The following COG5 variants were observed in gnomAD, a reference collection of about 807,000 sequenced individuals.
The protein encoded by COG5 is component of oligomeric golgi complex 5.
A neutral mutation model predicts 110.4 loss-of-function variants in COG5; 86 were observed. The observed-to-expected ratio is 0.78, with a 90% confidence interval of 0.65 to 0.93. The LOEUF is 0.93. Ranked by LOEUF, COG5 falls within the 40% of genes least tolerant of loss-of-function variation. COG5 has a pLI of 0.00. For missense variants in COG5, 1,077 were observed against 987.0 expected (o/e 1.09, Z -1.22); for synonymous variants, 360 against 334.6 (o/e 1.08, Z -0.83).
intron 6 of COG5, among the ~76,000 whole-genome samples, chr7:107,438,256 T>C (rs980355752): frequency 2.6e-4 from 40 of 152,186 alleles, no homozygotes; most frequent in African/African-American, 7.2e-4. Context: ...AGACAGGATA[T>C]AAATTCTCCT....
chr7:107,403,409 T>C (rs1006837775), intron 7 of COG5, among the ~76,000 whole-genome samples: 1 of 151,926 alleles, frequency 6.6e-6, no homozygotes, highest in African/African-American at 2.4e-5. Flanking sequence ...TAAATTATAC[T>C]TTAAGTTCTG....
At chr7:107,208,149 G>A (rs1798907998) in intron 21 of COG5, 20 of 985,312 alleles carry the variant, frequency 2.0e-5, no homozygotes, top group South Asian at 4.7e-5. Context: ...AGCCTGGGGT[G>A]CAGCAGGAGT....
chr7:107,326,359 A>G (rs557106319), intron 10 of COG5, among the ~76,000 whole-genome samples: 9 of 152,326 alleles, frequency 5.9e-5, no homozygotes, highest in African/African-American at 2.2e-4. Flanking sequence ...TGGAAGAAGT[A>G]AAATTATATC....
At position 107,474,197 on chromosome 7, in the gene COG5, G is replaced by T. The variant is rs1419439157; in HGVS notation, c.538+53040C>A. 1 of 1,612,904 alleles carries T rather than the reference G, an allele frequency of 6.2e-7. No homozygotes were observed. Among genetic ancestry groups the T allele is most frequent in the Non-Finnish European group, 8.5e-7 (1 of 1,179,138 alleles). On this transcript the variant is annotated intron_variant, in intron 6 of 21. Transcript: ENST00000297135. The surrounding 1 kb of genome is among the most constrained non-coding windows in gnomAD (Gnocchi z 5.7). ...TTAAGCTTTCAAGTGTCTCTCACCG[G>T]ATTTCTTATGTTAGAAATTGTGTTG...
At chr7:107,519,241 C>T (rs1800156143) in intron 6 of COG5, among the ~76,000 whole-genome samples, 1 of 151,928 alleles carries the variant, frequency 6.6e-6, no homozygotes, top group African/African-American at 2.4e-5. Context: ...ATTAAAAGAA[C>T]TAGAGAAGCA....
At chr7:107,509,311 A>C (rs1799301955) in intron 6 of COG5, among the ~76,000 whole-genome samples, 1 of 152,210 alleles carries the variant, frequency 6.6e-6, no homozygotes, top group Non-Finnish European at 1.5e-5. Flanking sequence ...TGGAAGACGA[A>C]ATGAATGAAC....
chr7:107,311,504 C>T (rs1209548197), intron 11 of COG5, among the ~76,000 whole-genome samples: 1 of 147,164 alleles, frequency 6.8e-6, no homozygotes, highest in Non-Finnish European at 1.5e-5. Flanking sequence ...CGCCATTCTC[C>T]TGCCTCAGCC....
intron 6 of COG5, among the ~76,000 whole-genome samples, chr7:107,440,993 C>T (rs2395882): frequency 1.3e-5 from 2 of 151,914 alleles, no homozygotes; most frequent in African/African-American, 4.8e-5. Flanking sequence ...GTGGCTCATG[C>T]CTGTAATCCC....
chr7:107,533,050 C>T (rs370279918), intron 5 of COG5, among the ~76,000 whole-genome samples: 5 of 151,712 alleles, frequency 3.3e-5, no homozygotes, highest in East Asian at 1.9e-4. Flanking sequence ...GGAGTGGACC[C>T]GCAGCAAACT....
intron 19 of COG5, among the ~76,000 whole-genome samples, chr7:107,224,921 T>C (rs1363975764): frequency 6.6e-6 from 1 of 152,228 alleles, no homozygotes; most frequent in African/African-American, 2.4e-5. Flanking sequence ...AATGTAAATA[T>C]ATGCAAGAAG....
chr7:107,240,766 C>T (rs562896325), intron 17 of COG5, among the ~76,000 whole-genome samples: 5 of 152,332 alleles, frequency 3.3e-5, no homozygotes, highest in Admixed American at 1.3e-4. Flanking sequence ...CATGCCATTA[C>T]AGAATTACTA....
chr7:107,404,346 T>C (rs1791655660), intron 7 of COG5, among the ~76,000 whole-genome samples: 1 of 152,198 alleles, frequency 6.6e-6, no homozygotes, highest in South Asian at 2.1e-4. Context: ...TAAGAGCCTA[T>C]AAACTAAGTG....
chr7:107,281,207 TAGTC>T, intron 14 of COG5, 89 bp downstream of exon 14: 1 of 843,674 alleles, frequency 1.2e-6, no homozygotes, highest in Non-Finnish European at 1.9e-6. Flanking sequence ...AGTAAGTAAA[TAGTC>T]AATTCAATAT....
At chr7:107,325,103 A>G (rs1467739443) in intron 10 of COG5, among the ~76,000 whole-genome samples, 1 of 152,160 alleles carries the variant, frequency 6.6e-6, no homozygotes, top group Admixed American at 6.5e-5. Context: ...AATTGCTACT[A>G]CTCAGTTTAG....
intron 11 of COG5, among the ~76,000 whole-genome samples, chr7:107,318,879 G>T (rs1475212758): frequency 1.3e-5 from 2 of 152,274 alleles, no homozygotes; most frequent in East Asian, 3.9e-4. Context: ...TAAACATTTA[G>T]TCCATAACAA....
chr7:107,396,405 A>C (rs1791009623), intron 7 of COG5, among the ~76,000 whole-genome samples: 1 of 152,132 alleles, frequency 6.6e-6, no homozygotes, highest in African/African-American at 2.4e-5. Context: ...AAATAAAATT[A>C]AGATACTAAA....
chr7:107,287,835 C>A (rs1805772909), intron 12 of COG5, among the ~76,000 whole-genome samples: 1 of 152,076 alleles, frequency 6.6e-6, no homozygotes, highest in South Asian at 2.1e-4. Context: ...TACTTCATTT[C>A]TTTTTATGGC....
intron 3 of COG5, among the ~76,000 whole-genome samples, chr7:107,551,243 C>T (rs1397723905): frequency 6.6e-6 from 1 of 152,086 alleles, no homozygotes; most frequent in African/African-American, 2.4e-5. Context: ...GGGGTTTCAC[C>T]ATGTTAGCCA....
chr7:107,386,006 G>C (rs1193688957), intron 7 of COG5, among the ~76,000 whole-genome samples: 2 of 151,638 alleles, frequency 1.3e-5, no homozygotes, highest in African/African-American at 2.4e-5. Flanking sequence ...GTGTGTGTGT[G>C]TGTGTGTGTG....
Sources: gnomAD v4.1 joint callset for allele counts (sites outside exome capture counted in the v4.1 genomes callset) on GRCh38, gnomAD v4.1.1 for gene constraint, Gnocchi (gnomAD v3.1) non-coding constraint, MANE v1.5 for transcripts, NCBI Gene and HGNC (gene_info 2026-07-23, HGNC 2026-07-21) for gene names.